The following ECEL1 variants were observed in gnomAD, a reference collection of about 807,000 sequenced individuals.
ECEL1 encodes the protein endothelin converting enzyme like 1, also known as endothelin-converting enzyme-like 1.
In ECEL1, 87 loss-of-function variants were observed where a neutral mutation model predicts 101.8. That is an observed-to-expected ratio of 0.85 (90% CI 0.72 to 1.02). The LOEUF is 1.02. Among genes scored for constraint, ECEL1 ranks in the 50% least tolerant of loss-of-function variants. The pLI, the probability that ECEL1 is intolerant of heterozygous loss-of-function variation, is 0.00. For missense variants in ECEL1, 1,032 were observed against 1,079.2 expected, an observed-to-expected ratio of 0.96 and a Z score of 0.61; for synonymous variants, 487 against 468.7, an observed-to-expected ratio of 1.04 and a Z score of -0.50.
intron 17 of ECEL1, 61 bp from the exon 18 acceptor site, chr2:232,480,313 AG>A: frequency 1.2e-6 from 2 of 1,611,556 alleles, no homozygotes; most frequent in African/African-American, 1.3e-5. Flanking sequence ...CCCAGCAACC[AG>A]GGGTGACTTT....
Position 232,482,947 on chromosome 2 carries a change from A to G in ECEL1, c.1589T>C (p.Val530Ala). ...GTTCTTGAAGTAGGTCTTCTCATGG[A>G]CCTCAAACTGCAGGAGGCACGGGCG... ...DAVDKEYEFE[V>A]HEKTYFKNIL... Residue 530 changes from valine (V) to alanine (A), a missense_variant, in exon 10 of 18, where the codon GTC (valine) becomes GCC (alanine). Coordinates refer to ENST00000304546, the MANE Select transcript of ECEL1 (RefSeq NM_004826.4). The G allele has an allele frequency of 6.2e-7, 1 of 1,614,072 alleles. No homozygotes were observed. The highest frequency in any genetic ancestry group is 8.5e-7 in the Non-Finnish European group (1 of 1,180,008).
intron 7 of ECEL1, among the ~76,000 whole-genome samples, chr2:232,483,754 T>C (rs572265406): frequency 1.3e-5 from 2 of 152,312 alleles, no homozygotes; most frequent in East Asian, 1.9e-4. Context: ...CTCCCGAGCA[T>C]GCCTGAGAAG....
At position 232,486,117 on chromosome 2, in the gene ECEL1, C is replaced by T. The variant is rs1331704165; in HGVS notation, c.537G>A (p.Lys179=). The T allele has an allele frequency of 1.9e-6, 3 of 1,579,748 alleles. No homozygotes were observed. Among genetic ancestry groups the T allele is most frequent in the Non-Finnish European group, 2.6e-6 (3 of 1,165,250 alleles). Residue 179 remains lysine (K), a synonymous_variant, in exon 2 of 18, where the codon AAG becomes AAA. Coordinates refer to ENST00000304546, the MANE Select transcript of ECEL1 (RefSeq NM_004826.4). The part of the protein sequence containing the change: ...GGGPGGAAQR[K]VRAFFRSCLD... ...GGCACGAGCGGAAGAAGGCGCGCAC[C>T]TTGCGCTGGGCCGCGCCGCCAGGCC...
Position 232,486,232 on chromosome 2 carries a change from G to A in ECEL1, c.422C>T (p.Pro141Leu). The change falls in exon 2 of 18, where the codon CCC (proline) becomes CTC (leucine). Residue 141 changes from proline to leucine, a missense_variant. By Grantham distance (98) the Pro-to-Leu change is moderately conservative. Transcript: ENST00000304546. ...GGTGCCATAGGTGAGCTTGTCGTCG[G>A]GGATGGCGTGGCGCCGCAGCCAACC... ...CGGWLRRHAI[P>L]DDKLTYGTIA... 1.9e-6 allele frequency: 3 copies of A among 1,601,386 alleles called. No individual in the cohort carries two copies. The highest frequency in any genetic ancestry group is 2.5e-6 in the Non-Finnish European group (3 of 1,178,454).
At position 232,482,872 on chromosome 2, in the gene ECEL1, C is replaced by T. The variant is rs769439158; in HGVS notation, c.1664G>A (p.Arg555Gln). The T allele has an allele frequency of 1.7e-5, 27 of 1,614,016 alleles. No individual in the cohort carries two copies. The highest frequency in any genetic ancestry group is 1.6e-4 in the Middle Eastern group (1 of 6,082). The change falls in exon 10 of 18, where the codon CGG becomes CAG. Residue 555 changes from arginine to glutamine, a missense_variant. By Grantham distance (43) the Arg-to-Gln change is conservative. Coordinates refer to ENST00000304546, the MANE Select transcript of ECEL1 (RefSeq NM_004826.4). ...FSIQLSVKKI[R>Q]QEVDKSTWLL... Reference sequence around the variant, plus strand: ...CCACGTGGACTTGTCCACCTCCTGCCGAATCTTCTTAACTGAGAGCTGGAT... The same window carrying T: ...CCACGTGGACTTGTCCACCTCCTGCTGAATCTTCTTAACTGAGAGCTGGAT...
At chr2:232,480,358 A>G (rs1575074586) in intron 17 of ECEL1, 41 bp downstream of exon 17, 1 of 1,610,986 alleles carries the variant, frequency 6.2e-7, no homozygotes, top group East Asian at 2.2e-5. Flanking sequence ...CCCACCCCAA[A>G]CACAAGGAGT....
chr2:232,486,034 T>G lies in ECEL1; in HGVS notation c.620A>C (p.Asp207Ala). 6.2e-7 allele frequency: 1 copy of G among 1,609,214 alleles called. No individual in the cohort carries two copies. Among genetic ancestry groups the G allele is most frequent in the Non-Finnish European group, 8.5e-7 (1 of 1,178,728 alleles). Residue 207 changes from aspartate to alanine, a missense_variant, in exon 2 of 18, where the codon GAC becomes GCC. Physicochemically the swap from Asp to Ala is moderately radical, Grantham distance 126 (BLOSUM62 -2). Transcript: ENST00000304546. ...GCCGCCCAGGTCCCAGCCCCCGCAG[T>G]CCTCGATGACCTCTAGCATGGGTCG... ...GPRPMLEVIE[D>A]CGGWDLGGAE...
chr2:232,482,375 C>T, intron 12 of ECEL1, 43 bp downstream of exon 12: 1 of 1,612,908 alleles, frequency 6.2e-7, no homozygotes, highest in East Asian at 2.2e-5. Context: ...TCTGCAATGC[C>T]AGCCCTGCCC....
rs752626254 is a variant in ECEL1 at position 232,484,115 on chromosome 2, G to A, written c.1293C>T (p.Ser431=). The change falls in exon 7 of 18, where the codon AGC becomes AGT. Residue 431 remains serine, a synonymous_variant. Coordinates refer to ENST00000304546, the MANE Select transcript of ECEL1 (RefSeq NM_004826.4). The part of the protein sequence containing the change: ...LHELAQEMEG[S]DKPQELARVC... The stretch of plus-strand genomic sequence containing the variant: ...CCCGGGCCAGCTCCTGTGGCTTGTC[G>A]CTGCCCTCCATCTCCTGTGCCAGCT... 18 of 1,613,626 alleles carry A rather than the reference G, an allele frequency of 1.1e-5. No homozygotes were observed. Among genetic ancestry groups the A allele is most frequent in the East Asian group, 8.9e-5 (4 of 44,894 alleles).
intron 16 of ECEL1, 67 bp downstream of exon 16, chr2:232,480,651 C>G: frequency 6.4e-7 from 1 of 1,574,750 alleles, no homozygotes; most frequent in Non-Finnish European, 8.7e-7. Context: ...CAAGGCAGGA[C>G]TGGGACTGAC....
rs879204850 is a variant in ECEL1 at position 232,481,359 on chromosome 2, G to A, written c.1989+147C>T. ...CTGCGGACACTCATTATCTGTCCAC[G>A]TGAGTGTGCGTGGGAACCGAATGTG... is the stretch of plus-strand genomic sequence containing the variant. On this transcript the variant is annotated intron_variant, in intron 14 of 17. Coordinates refer to ENST00000304546, the MANE Select transcript of ECEL1 (RefSeq NM_004826.4). 13 of 1,412,196 alleles carry A rather than the reference G, an allele frequency of 9.2e-6. No homozygotes were observed. The South Asian group carries it at 1.4e-4, about 15-fold the overall frequency. 87.5% of individuals were successfully genotyped at this position (1,412,196 alleles called of 1,614,324 possible). A position where few individuals can be genotyped will look rare whatever the true frequency, so the allele number is the denominator to read the frequency against.
intron 8 of ECEL1, 30 bp downstream of exon 8, chr2:232,483,386 A>T: frequency 6.3e-7 from 1 of 1,587,726 alleles, no homozygotes; most frequent in Non-Finnish European, 8.6e-7. Flanking sequence ...TATATATGGG[A>T]CCAACCAATG....
At chr2:232,485,161 C>T (rs746868091) in intron 3 of ECEL1, 38 bp downstream of exon 3, 20 of 1,612,684 alleles carry the variant, frequency 1.2e-5, no homozygotes, top group Non-Finnish European at 1.5e-5. Flanking sequence ...TCCTGGGGCC[C>T]CAGGCCTTCC....
intron 1 of ECEL1, 107 bp from the exon 2 acceptor site, chr2:232,486,861 C>T (rs1690743474): frequency 2.2e-6 from 1 of 449,824 alleles, no homozygotes; most frequent in African/African-American, 2.1e-5. Flanking sequence ...AGCCGCGGGC[C>T]TCATTCACTG....
At chr2:232,481,747 T>A in intron 13 of ECEL1, 35 bp downstream of exon 13, 1 of 1,466,336 alleles carries the variant, frequency 6.8e-7, no homozygotes, top group Non-Finnish European at 9.1e-7. Flanking sequence ...TCCTGCCCCC[T>A]CCGGGCCATC....
intron 7 of ECEL1, 110 bp from the exon 8 acceptor site, chr2:232,483,624 A>G: frequency 2.4e-6 from 2 of 838,712 alleles, no homozygotes; most frequent in Non-Finnish European, 3.6e-6. Flanking sequence ...CCCAAACCTC[A>G]TTTCTGAACA....
In ECEL1 at chr2:232,486,612, G is replaced by A; in HGVS notation, c.42C>T (p.Phe14=). The A allele has an allele frequency of 1.3e-6, 2 of 1,523,862 alleles. No homozygotes were observed. Among genetic ancestry groups the A allele is most frequent in the Non-Finnish European group, 1.7e-6 (2 of 1,146,118 alleles). The allele number at this position is 1,523,862 out of a possible 1,614,324, so 94.4% of individuals were successfully genotyped here. A position where few individuals can be genotyped will look rare whatever the true frequency, so the allele number is the denominator to read the frequency against. The change falls in exon 2 of 18, where the codon TTC becomes TTT. Residue 14 remains phenylalanine (F), a synonymous_variant. Coordinates refer to ENST00000304546, the MANE Select transcript of ECEL1 (RefSeq NM_004826.4). The part of the protein sequence containing the change: ...PYSLTAHYDE[F]QEVKYVSRCG... The stretch of plus-strand genomic sequence containing the variant: ...AGCGGCTCACGTACTTGACCTCTTG[G>A]AACTCATCGTAGTGCGCCGTCAGCG...
chr2:232,483,779 G>A (rs1690646259), intron 7 of ECEL1, among the ~76,000 whole-genome samples: 1 of 152,234 alleles, frequency 6.6e-6, no homozygotes, highest in Admixed American at 6.5e-5. Context: ...GCTGGGGCCT[G>A]GCAGGGAGGT....
chr2:232,485,458 C>A (rs1302793397), intron 2 of ECEL1, among the ~76,000 whole-genome samples, 191 bp from the exon 3 acceptor site: 1 of 152,230 alleles, frequency 6.6e-6, no homozygotes, highest in East Asian at 1.9e-4. Flanking sequence ...TCCCAGCCTG[C>A]GGATGCCCAA....
Sources: allele counts gnomAD v4.1 joint callset (sites outside exome capture counted in the v4.1 genomes callset), GRCh38; gene constraint gnomAD v4.1.1; transcripts MANE v1.5; gene names NCBI Gene and HGNC (gene_info 2026-07-23, HGNC 2026-07-21).